USP10: variants seen among roughly 807,000 people sequenced by gnomAD.
The protein encoded by USP10 is ubiquitin specific peptidase 10.
Under a neutral mutation model 84.5 loss-of-function variants are expected in USP10, and 22 were observed. That is an observed-to-expected ratio of 0.26 (90% CI 0.19 to 0.37). The LOEUF (loss-of-function observed/expected upper bound fraction) is 0.37. Among genes scored for constraint, USP10 ranks in the 10% least tolerant of loss-of-function variants. The pLI is 1.00. For missense variants in USP10, 1,019 were observed against 998.9 expected (o/e 1.02, Z -0.27); for synonymous variants, 454 against 387.6 (o/e 1.17, Z -2.01).
At chr16:84,762,844 A>G in intron 8 of USP10, 145 bp from the exon 9 acceptor site, 2 of 504,432 alleles carry the variant, frequency 4.0e-6, no homozygotes, top group South Asian at 7.1e-5. Flanking sequence ...TGCAAGGGAA[A>G]CCCATGTCAT....
chr16:84,700,283 C>T (rs1294594777), intron 1 of USP10, among the ~76,000 whole-genome samples, 172 bp downstream of exon 1: 1 of 151,908 alleles, frequency 6.6e-6, no homozygotes, highest in Non-Finnish European at 1.5e-5. Flanking sequence ...CCGCGCCCGC[C>T]GCGCCTTCGT....
At position 84,720,576 on chromosome 16, in the gene USP10, A is replaced by ATTTTTTTTTTTTTTTTTTTT. The variant is rs10699847; in HGVS notation, c.22-12855_22-12836dup. Among the ~76,000 whole-genome samples, 86 of 88,346 alleles carry ATTTTTTTTTTTTTTTTTTTT rather than the reference A, an allele frequency of 9.7e-4. 9 individuals are homozygous for ATTTTTTTTTTTTTTTTTTTT. The highest frequency in any genetic ancestry group is 2.2e-3 in the South Asian group (4 of 1,806). 58.0% of individuals were successfully genotyped at this position (88,346 alleles called of 152,430 possible). ...ATGCAGAATAAAAAGATGATGCCCA[A>ATTTTTTTTTTTTTTTTTTTT]TTTTTTTTTTTTTTTTTTTTTTTGA... On this transcript the variant is annotated intron_variant, in intron 1 of 13. Transcript: ENST00000219473.
intron 1 of USP10, among the ~76,000 whole-genome samples, chr16:84,707,204 A>G (rs984710352): frequency 1.3e-5 from 2 of 152,218 alleles, no homozygotes; most frequent in Admixed American, 1.3e-4. Context: ...TGATGAAGGC[A>G]TAATCTTTCA....
intron 4 of USP10, among the ~76,000 whole-genome samples, chr16:84,751,706 C>T (rs1270073282): frequency 6.6e-6 from 1 of 152,152 alleles, no homozygotes. Context: ...AAAAGAAAAG[C>T]ACTTGGAGAA....
intron 4 of USP10, among the ~76,000 whole-genome samples, chr16:84,749,680 G>A (rs1172947788): frequency 6.6e-6 from 1 of 151,958 alleles, no homozygotes; most frequent in African/African-American, 2.4e-5. Context: ...TTCCCCTATT[G>A]TTAAGTCTGC....
intron 1 of USP10, among the ~76,000 whole-genome samples, chr16:84,723,127 C>A (rs72797570): frequency 3.3e-5 from 5 of 150,248 alleles, no homozygotes; most frequent in African/African-American, 4.9e-5. Flanking sequence ...GGCTCCGATA[C>A]CTTCTGATCA....
chr16:84,772,649 A>G lies in USP10; in HGVS notation c.2107A>G (p.Asn703Asp). Residue 703 changes from asparagine to aspartate, a missense_variant, in exon 12 of 14, where the codon AAT becomes GAT. Physicochemically the swap from Asn to Asp is conservative, Grantham distance 23. This residue lies in a region of USP10 where 232 missense variants were observed against 290.1 expected (regional missense o/e 0.80). Transcript: ENST00000219473. ...TGGTGGGTGCCAGAAGCTTATCAAA[A>G]ATATTGAATATCCTGTGGACTTGGA... Reference protein sequence around the residue: ...KTGGCQKLIKNIEYPVDLEIS... With the variant: ...KTGGCQKLIKDIEYPVDLEIS... 1 of 1,614,012 alleles carries G rather than the reference A, an allele frequency of 6.2e-7. No individual in the cohort carries two copies. Among genetic ancestry groups the G allele is most frequent in the Non-Finnish European group, 8.5e-7 (1 of 1,179,894 alleles).
intron 10 of USP10, among the ~76,000 whole-genome samples, chr16:84,765,462 C>A (rs947761510): frequency 2.0e-5 from 3 of 148,794 alleles, no homozygotes; most frequent in African/African-American, 7.4e-5. Flanking sequence ...TTTTCCCTAT[C>A]TCTGTAGTTT....
intron 3 of USP10, among the ~76,000 whole-genome samples, chr16:84,743,439 T>C (rs57822650): frequency 1.3e-5 from 2 of 152,162 alleles, no homozygotes; most frequent in Non-Finnish European, 2.9e-5. Context: ...AGCGTCTGTA[T>C]TTTTTCTTCT....
intron 1 of USP10, among the ~76,000 whole-genome samples, chr16:84,724,297 A>G (rs1478703482): frequency 6.6e-6 from 1 of 152,180 alleles, no homozygotes; most frequent in Non-Finnish European, 1.5e-5. Flanking sequence ...ATTCAATCTG[A>G]ATTCAATCTA....
At position 84,745,277 on chromosome 16, in the gene USP10, A is replaced by C. The variant is rs756731114; in HGVS notation, c.796A>C (p.Arg266=). The C allele has an allele frequency of 1.1e-4, 184 of 1,613,296 alleles. 1 individual carries two copies. The highest frequency in any genetic ancestry group is 1.5e-4 in the Non-Finnish European group (181 of 1,179,702). ...AGAGGCTGGCAGAGACACCCTGTCA[A>C]GGACAGCTGGGGCTCAGCCCTGCGT... ...PAEAGRDTLS[R]TAGAQPCVGT... is the part of the protein sequence containing the mutation. Residue 266 remains arginine, a synonymous_variant, in exon 4 of 14, where the codon AGG becomes CGG. Transcript: ENST00000219473.
chr16:84,763,369 T>C (rs1181853872), intron 9 of USP10, among the ~76,000 whole-genome samples: 1 of 152,242 alleles, frequency 6.6e-6, no homozygotes, highest in Non-Finnish European at 1.5e-5. Context: ...TTGCCGAGTG[T>C]ACAGTTTTAA....
intron 3 of USP10, among the ~76,000 whole-genome samples, chr16:84,743,462 C>T (rs537855055): frequency 6.6e-6 from 1 of 152,224 alleles, no homozygotes; most frequent in East Asian, 1.9e-4. Flanking sequence ...AAAAAGATTT[C>T]TAGGGGTCCT....
intron 4 of USP10, among the ~76,000 whole-genome samples, chr16:84,748,325 A>AG (rs1911496349): frequency 1.3e-5 from 2 of 151,802 alleles, no homozygotes; most frequent in African/African-American, 2.4e-5. Context: ...TATTTTTGAG[A>AG]GGGGGTCTCA....
At chr16:84,771,191 C>T (rs1425880372) in intron 11 of USP10, among the ~76,000 whole-genome samples, 1 of 152,120 alleles carries the variant, frequency 6.6e-6, no homozygotes, top group African/African-American at 2.4e-5. Flanking sequence ...TTAAAAGCAG[C>T]ATTCATCAGA....
chr16:84,769,065 T>C (rs924779483), intron 11 of USP10, among the ~76,000 whole-genome samples: 1 of 152,142 alleles, frequency 6.6e-6, no homozygotes, highest in Non-Finnish European at 1.5e-5. Flanking sequence ...TTATATATCT[T>C]AGGTTGTGGC....
chr16:84,718,584 T>C (rs150753219), intron 1 of USP10, among the ~76,000 whole-genome samples: 3,039 of 151,880 alleles, frequency 0.02, 97 homozygotes, highest in African/African-American at 0.07. Flanking sequence ...GGTAAAACCC[T>C]GTCCCTACTG....
intron 1 of USP10, among the ~76,000 whole-genome samples, chr16:84,712,951 T>C (rs1230506162): frequency 6.6e-6 from 1 of 152,246 alleles, no homozygotes; most frequent in East Asian, 1.9e-4. Flanking sequence ...CTCCGTGTAC[T>C]AAAGCTCTTC....
intron 1 of USP10, among the ~76,000 whole-genome samples, chr16:84,721,655 A>C (rs997632337): frequency 6.6e-6 from 1 of 151,204 alleles, no homozygotes; most frequent in African/African-American, 2.4e-5. Context: ...AGCCCTCCCA[A>C]GTAACTGGGA....
Sources: allele counts gnomAD v4.1 joint callset (sites outside exome capture counted in the v4.1 genomes callset), GRCh38; gene constraint gnomAD v4.1.1; regional missense constraint gnomAD v4.1.1; transcripts MANE v1.5; gene names NCBI Gene and HGNC (gene_info 2026-07-23, HGNC 2026-07-21).